The following NRXN3 variants were observed in gnomAD, a reference collection of about 807,000 sequenced individuals.
NRXN3 encodes the protein neurexin 3.
Under a neutral mutation model 137.6 loss-of-function variants are expected in NRXN3, and 32 were observed. The ratio of observed to expected loss-of-function variants is 0.23; its 90% CI spans 0.18 to 0.31. The LOEUF is 0.31. Among genes scored for constraint, NRXN3 ranks in the 10% least tolerant of loss-of-function variants. The pLI is 1.00. For synonymous variants in NRXN3, 798 were observed against 784.5 expected (o/e 1.02, Z -0.29); for missense variants, 1,574 against 2,062.5 (o/e 0.76, Z 4.59).
chr14:79,822,965 T>C (rs142398702), intron 20 of NRXN3, among the ~76,000 whole-genome samples: 8 of 152,356 alleles, frequency 5.3e-5, no homozygotes, highest in African/African-American at 1.9e-4. Context: ...AAAAAGTCTC[T>C]GTGCTAACTC....
chr14:79,435,340 A>G (rs2095828411), intron 15 of NRXN3, among the ~76,000 whole-genome samples: 1 of 150,516 alleles, frequency 6.6e-6, no homozygotes, highest in African/African-American at 2.4e-5. Context: ...GAGGCCTGGG[A>G]TGAGGTAAGT....
At chr14:78,338,235 CATGTGACTACATTTCAA>C (rs935970093) in intron 4 of NRXN3, among the ~76,000 whole-genome samples, 1 of 152,150 alleles carries the variant, frequency 6.6e-6, no homozygotes, top group African/African-American at 2.4e-5. Context: ...CCATTAGCCA[CATGTGACTACATTTCAA>C]ATGATGAAAA....
chr14:78,432,385 C>T (rs565105629), intron 4 of NRXN3, among the ~76,000 whole-genome samples: 6 of 151,440 alleles, frequency 4.0e-5, no homozygotes, highest in Non-Finnish European at 7.4e-5. Flanking sequence ...AGGTGTTTTG[C>T]AACTTGACCC....
At chr14:79,694,703 T>A (rs747428018) in intron 18 of NRXN3, among the ~76,000 whole-genome samples, 1 of 151,794 alleles carries the variant, frequency 6.6e-6, no homozygotes, top group African/African-American at 2.4e-5. Flanking sequence ...ATAGTGATGG[T>A]TTTTTCTGTT....
Position 78,300,732 on chromosome 14 carries a change from G to A in NRXN3, c.757+2872G>A, listed in dbSNP as rs574738057. On this transcript the variant is annotated intron_variant, in intron 4 of 20. Transcript: ENST00000335750. ...TTTTTATCATTATAACTATCAATCTGCCTTTTGAAATATTCATGCATCCAA... is the reference window on the plus strand; with the variant it reads ...TTTTTATCATTATAACTATCAATCTACCTTTTGAAATATTCATGCATCCAA... 4.3e-6 allele frequency: 6 copies of A among 1,400,020 alleles called. No individual in the cohort carries two copies. The South Asian group carries it at 7.4e-5, about 17-fold the overall frequency. 86.7% of individuals were successfully genotyped at this position (1,400,020 alleles called of 1,614,324 possible). A position where few individuals can be genotyped will look rare whatever the true frequency, so the allele number is the denominator to read the frequency against.
intron 2 of NRXN3, among the ~76,000 whole-genome samples, chr14:78,257,468 TTACCA>T (rs1448286856): frequency 6.6e-6 from 1 of 152,242 alleles, no homozygotes; most frequent in African/African-American, 2.4e-5. Flanking sequence ...AGGGAGCATG[TTACCA>T]TACCTGGGTG....
chr14:79,095,313 T>C (rs1219642083), intron 15 of NRXN3, among the ~76,000 whole-genome samples: 1 of 152,200 alleles, frequency 6.6e-6, no homozygotes, highest in African/African-American at 2.4e-5. Flanking sequence ...ATAATTTCTT[T>C]CTTTCCCTCA....
At chr14:78,885,764 A>G (rs1298388193) in intron 10 of NRXN3, among the ~76,000 whole-genome samples, 1 of 152,154 alleles carries the variant, frequency 6.6e-6, no homozygotes, top group Non-Finnish European at 1.5e-5. Flanking sequence ...GTGAATTTAT[A>G]ATAAGATTTC....
intron 10 of NRXN3, among the ~76,000 whole-genome samples, chr14:78,915,269 A>G (rs2099251659): frequency 6.7e-6 from 1 of 148,768 alleles, no homozygotes; most frequent in African/African-American, 2.5e-5. Flanking sequence ...GGTTTATAAA[A>G]CACTGGTATT....
intron 15 of NRXN3, among the ~76,000 whole-genome samples, chr14:79,426,091 C>A (rs1052925622): frequency 2.0e-5 from 3 of 151,932 alleles, no homozygotes; most frequent in Admixed American, 1.3e-4. Flanking sequence ...TACTGGGAAC[C>A]AATCTCAACC....
At chr14:79,587,525 A>G (rs990879468) in intron 16 of NRXN3, among the ~76,000 whole-genome samples, 3 of 152,222 alleles carry the variant, frequency 2.0e-5, no homozygotes, top group Non-Finnish European at 2.9e-5. Context: ...CTTAAGACAA[A>G]TATGTAAATT....
At chr14:78,277,128 G>A (rs1210175204) in intron 2 of NRXN3, among the ~76,000 whole-genome samples, 2 of 152,250 alleles carry the variant, frequency 1.3e-5, no homozygotes, top group African/African-American at 2.4e-5. Flanking sequence ...GTTGCTATGG[G>A]TATGTTCATT....
At chr14:79,127,236 A>G (rs2152944725) in intron 15 of NRXN3, among the ~76,000 whole-genome samples, 1 of 152,318 alleles carries the variant, frequency 6.6e-6, no homozygotes, top group Admixed American at 6.5e-5. Flanking sequence ...TGTTTTAGAC[A>G]TGAAGTCCTC....
chr14:79,386,999 C>T (rs1433018689), intron 15 of NRXN3, among the ~76,000 whole-genome samples: 2 of 152,108 alleles, frequency 1.3e-5, no homozygotes, highest in African/African-American at 4.8e-5. Context: ...CATAAAAACT[C>T]TAGAAGAAAA....
chr14:78,388,930 C>A (rs2090371216), intron 4 of NRXN3, among the ~76,000 whole-genome samples: 1 of 151,542 alleles, frequency 6.6e-6, no homozygotes, highest in South Asian at 2.1e-4. Context: ...CAACTTATTT[C>A]TATTTTTTTC....
chr14:79,020,085 G>C (rs1233866164), intron 15 of NRXN3, among the ~76,000 whole-genome samples: 1 of 151,268 alleles, frequency 6.6e-6, no homozygotes, highest in Non-Finnish European at 1.5e-5. Context: ...ACTGGATATG[G>C]ATAAGGCTAG....
chr14:79,307,559 T>C (rs762972320), intron 15 of NRXN3, among the ~76,000 whole-genome samples: 1 of 152,126 alleles, frequency 6.6e-6, no homozygotes, highest in Non-Finnish European at 1.5e-5. Flanking sequence ...TCTTATGAAA[T>C]TGTAGTCAAG....
intron 16 of NRXN3, among the ~76,000 whole-genome samples, chr14:79,486,794 T>C (rs548684792): frequency 6.6e-6 from 1 of 152,298 alleles, no homozygotes; most frequent in South Asian, 2.1e-4. Flanking sequence ...AGGTCCTGAA[T>C]GAATGATGAA....
intron 10 of NRXN3, among the ~76,000 whole-genome samples, chr14:78,956,447 T>C (rs546117520): frequency 2.6e-5 from 4 of 152,332 alleles, no homozygotes; most frequent in African/African-American, 9.6e-5. Flanking sequence ...GAACCTTAGC[T>C]TGAGCATCTG....
Sources: allele counts gnomAD v4.1 joint callset (sites outside exome capture counted in the v4.1 genomes callset), GRCh38; gene constraint gnomAD v4.1.1; transcripts MANE v1.5; gene names NCBI Gene and HGNC (gene_info 2026-07-23, HGNC 2026-07-21).